The following SSBP2 variants were observed in gnomAD, a reference collection of about 807,000 sequenced individuals.
SSBP2 encodes single stranded DNA binding protein 2.
SSBP2 carries 17 observed loss-of-function variants against 61.8 expected under a neutral mutation model. The ratio of observed to expected loss-of-function variants is 0.28; its 90% CI spans 0.19 to 0.41. The LOEUF is 0.41. SSBP2 is among the 10% of genes least tolerant of loss of function. The pLI, the probability that SSBP2 is intolerant of heterozygous loss-of-function variation, is 1.00. For missense variants in SSBP2, 310 were observed against 458.7 expected (o/e 0.68, Z 2.96); for synonymous variants, 139 against 141.3 (o/e 0.98, Z 0.12).
intron 2 of SSBP2, among the ~76,000 whole-genome samples, chr5:81,642,227 T>C (rs960334441): frequency 1.3e-5 from 2 of 152,152 alleles, no homozygotes; most frequent in African/African-American, 2.4e-5. Context: ...CTATTTAGGT[T>C]TTTGGGTGGC....
In SSBP2 at chr5:81,501,720, G is replaced by A. The variant is rs187097360; in HGVS notation, c.372+11908C>T. Among the ~76,000 whole-genome samples the A allele has an allele frequency of 3.3e-3, 498 of 151,454 alleles. 3 individuals carry two copies. Among genetic ancestry groups the A allele is most frequent in the African/African-American group, 0.011 (462 of 41,314 alleles). ...TGGGACTACAGGCGCCCACCACCACGCCCGGCTAATTTTGTTTTTGTATTT... is the reference window on the plus strand; with the variant it reads ...TGGGACTACAGGCGCCCACCACCACACCCGGCTAATTTTGTTTTTGTATTT... On this transcript the variant is annotated intron_variant, in intron 5 of 16. Coordinates refer to ENST00000320672, the MANE Select transcript of SSBP2 (RefSeq NM_012446.5).
At chr5:81,729,386 T>C (rs1343744037) in intron 1 of SSBP2, among the ~76,000 whole-genome samples, 2 of 152,170 alleles carry the variant, frequency 1.3e-5, no homozygotes, top group Non-Finnish European at 2.9e-5. Context: ...AAATCCCCTT[T>C]GCAGCAATTA....
At chr5:81,559,504 G>A (rs917111936) in intron 4 of SSBP2, among the ~76,000 whole-genome samples, 8 of 151,664 alleles carry the variant, frequency 5.3e-5, no homozygotes, top group Non-Finnish European at 7.4e-5. Flanking sequence ...GCACCATGGC[G>A]CTCCAGCCTG....
chr5:81,449,416 T>C (rs2153976730), intron 10 of SSBP2, among the ~76,000 whole-genome samples: 1 of 152,198 alleles, frequency 6.6e-6, no homozygotes, highest in East Asian at 1.9e-4. Context: ...CGAGTATGTA[T>C]ATTAATAGGG....
intron 3 of SSBP2, among the ~76,000 whole-genome samples, chr5:81,623,724 TTAAA>T (rs143393931): frequency 0.04 from 6,030 of 152,218 alleles, 168 homozygotes; most frequent in East Asian, 0.12. Flanking sequence ...CTAAGAGTTA[TTAAA>T]TAAACATCAG....
At chr5:81,691,064 C>G (rs962636737) in intron 1 of SSBP2, among the ~76,000 whole-genome samples, 1 of 151,806 alleles carries the variant, frequency 6.6e-6, no homozygotes, top group Non-Finnish European at 1.5e-5. Flanking sequence ...TGGGATACAG[C>G]GAAAGCCATT....
At chr5:81,729,960 C>A (rs1756144839) in intron 1 of SSBP2, among the ~76,000 whole-genome samples, 2 of 151,916 alleles carry the variant, frequency 1.3e-5, no homozygotes, top group Admixed American at 1.3e-4. Flanking sequence ...AATACCTATT[C>A]TAAAGGATTG....
intron 5 of SSBP2, among the ~76,000 whole-genome samples, chr5:81,505,247 C>T (rs1350166566): frequency 6.6e-6 from 1 of 152,134 alleles, no homozygotes; most frequent in African/African-American, 2.4e-5. Flanking sequence ...AGTTGAGTGG[C>T]TGTGAGAGAC....
At chr5:81,556,588 T>C (rs957461690) in intron 4 of SSBP2, among the ~76,000 whole-genome samples, 1 of 152,148 alleles carries the variant, frequency 6.6e-6, no homozygotes, top group African/African-American at 2.4e-5. Context: ...ATAGAGGTCT[T>C]TCTCCTCCTA....
At chr5:81,733,586 C>G (rs979823146) in intron 1 of SSBP2, among the ~76,000 whole-genome samples, 37 of 152,150 alleles carry the variant, frequency 2.4e-4, no homozygotes, top group African/African-American at 8.4e-4. Flanking sequence ...CAAACAGCCC[C>G]AGGAATTGTT....
intron 4 of SSBP2, among the ~76,000 whole-genome samples, chr5:81,593,207 T>A (rs1338582323): frequency 6.6e-6 from 1 of 152,126 alleles, no homozygotes; most frequent in East Asian, 1.9e-4. Flanking sequence ...GAAGCCTCAG[T>A]AGCCGATGCC....
chr5:81,597,987 C>T (rs866726433), intron 4 of SSBP2, among the ~76,000 whole-genome samples: 1 of 150,978 alleles, frequency 6.6e-6, no homozygotes, highest in Non-Finnish European at 1.5e-5. Context: ...TGCACATGTA[C>T]CCTAAAACTT....
At chr5:81,656,926 T>G (rs1321999927) in intron 1 of SSBP2, among the ~76,000 whole-genome samples, 2 of 152,152 alleles carry the variant, frequency 1.3e-5, no homozygotes, top group Non-Finnish European at 2.9e-5. Flanking sequence ...GCAGAACAGT[T>G]TGTATAGTAT....
intron 4 of SSBP2, among the ~76,000 whole-genome samples, chr5:81,552,749 A>G (rs1161805041): frequency 6.6e-6 from 1 of 152,142 alleles, no homozygotes; most frequent in African/African-American, 2.4e-5. Context: ...TAGAACAAAA[A>G]TACAGTTTTG....
intron 5 of SSBP2, among the ~76,000 whole-genome samples, chr5:81,492,429 A>T (rs1414847904): frequency 6.6e-6 from 1 of 152,148 alleles, no homozygotes; most frequent in African/African-American, 2.4e-5. Context: ...GCTTGAACCC[A>T]GGAGGCGGAG....
intron 1 of SSBP2, among the ~76,000 whole-genome samples, chr5:81,665,961 T>C (rs1751092764): frequency 6.6e-6 from 1 of 152,236 alleles, no homozygotes. Flanking sequence ...AAGGAGCATT[T>C]GGCAGCTTTT....
chr5:81,615,252 A>C (rs573057879), intron 4 of SSBP2: 7 of 408,772 alleles, frequency 1.7e-5, no homozygotes, highest in Non-Finnish European at 3.0e-5. Context: ...TTTCTTTAAT[A>C]GCTTAGAATT....
At chr5:81,439,278 T>A (rs1762860118) in intron 14 of SSBP2, among the ~76,000 whole-genome samples, 1 of 152,178 alleles carries the variant, frequency 6.6e-6, no homozygotes, top group Non-Finnish European at 1.5e-5. Flanking sequence ...AACTTTTAAA[T>A]TAGTTTATGG....
intron 5 of SSBP2, among the ~76,000 whole-genome samples, chr5:81,492,583 C>T (rs1462825090): frequency 6.6e-6 from 1 of 151,244 alleles, no homozygotes; most frequent in Non-Finnish European, 1.5e-5. Flanking sequence ...TTTGGGGCAA[C>T]ATTCTTTTTT....
Sources: gnomAD v4.1 joint callset for allele counts (sites outside exome capture counted in the v4.1 genomes callset) on GRCh38, gnomAD v4.1.1 for gene constraint, MANE v1.5 for transcripts, NCBI Gene and HGNC (gene_info 2026-07-23, HGNC 2026-07-21) for gene names.